GPM6B: variants seen among roughly 807,000 people sequenced by gnomAD.
The protein encoded by GPM6B is glycoprotein M6B, also known as neuronal membrane glycoprotein M6-b.
In GPM6B, 4 loss-of-function variants were observed where a neutral mutation model predicts 27.2. The ratio of observed to expected loss-of-function variants is 0.15; its 90% CI spans 0.07 to 0.34. GPM6B has a LOEUF of 0.34. GPM6B is among the 10% of genes least tolerant of loss of function. The pLI is 1.00. For missense variants in GPM6B, 183 were observed against 261.9 expected (o/e 0.70, Z 2.08); for synonymous variants, 124 against 103.1 (o/e 1.20, Z -1.23).
intron 2 of GPM6B, among the ~76,000 whole-genome samples, chrX:13,788,568 A>G (rs1470368412): frequency 9.1e-6 from 1 of 109,811 alleles, no homozygotes; most frequent in Non-Finnish European, 1.9e-5. Context: ...ACATCTATAT[A>G]TATTTTTAAA....
At chrX:13,868,482 C>T (rs1169395286) in intron 1 of GPM6B, among the ~76,000 whole-genome samples, 1 of 111,796 alleles carries the variant, frequency 8.9e-6, no homozygotes, top group Admixed American at 9.5e-5. Context: ...GCTAATAGAA[C>T]ATGAATTAGA....
intron 1 of GPM6B, among the ~76,000 whole-genome samples, chrX:13,880,300 T>A (rs977016391): frequency 1.8e-5 from 2 of 111,580 alleles, no homozygotes; most frequent in Admixed American, 9.5e-5. Context: ...CTATGTCCAA[T>A]CTTACATTCT....
At chrX:13,783,614 T>A in intron 3 of GPM6B, 93 bp from the exon 4 acceptor site, 1 of 739,020 alleles carries the variant, frequency 1.4e-6, no homozygotes. Context: ...GAGGGGGATG[T>A]TCCTGTGAGT....
chrX:13,825,111 T>A (rs1443142805), intron 1 of GPM6B, among the ~76,000 whole-genome samples: 1 of 111,592 alleles, frequency 9.0e-6, no homozygotes, highest in Admixed American at 9.5e-5. Context: ...TATGACCTCA[T>A]CTTAACTCGA....
intron 4 of GPM6B, among the ~76,000 whole-genome samples, chrX:13,782,942 C>T (rs1322257882): frequency 4.5e-5 from 5 of 111,372 alleles, no homozygotes; most frequent in Admixed American, 2.9e-4. Flanking sequence ...CCCAGCTAGG[C>T]GCTCTGTACA....
At chrX:13,862,066 T>G (rs1447353145) in intron 1 of GPM6B, among the ~76,000 whole-genome samples, 3 of 110,228 alleles carry the variant, frequency 2.7e-5, no homozygotes, top group African/African-American at 9.9e-5. Flanking sequence ...TGTGCGTGGG[T>G]GGGGGTGCAG....
intron 1 of GPM6B, among the ~76,000 whole-genome samples, chrX:13,874,462 C>T (rs2050011767): frequency 9.2e-6 from 1 of 108,578 alleles, no homozygotes; most frequent in Admixed American, 9.9e-5. Flanking sequence ...CTTTGGGAGG[C>T]TGAGATGGGT....
intron 1 of GPM6B, among the ~76,000 whole-genome samples, chrX:13,853,240 C>T (rs1337196572): frequency 9.0e-6 from 1 of 111,006 alleles, no homozygotes; most frequent in Non-Finnish European, 1.9e-5. Flanking sequence ...ATCCATGGGA[C>T]TTAGTATATA....
chrX:13,846,573 C>A (rs970761813), intron 1 of GPM6B, among the ~76,000 whole-genome samples: 1 of 110,162 alleles, frequency 9.1e-6, no homozygotes, highest in Non-Finnish European at 1.9e-5. Flanking sequence ...TCACTGCAAG[C>A]TCCGCCCTCT....
At chrX:13,873,834 T>C (rs1270283837) in intron 1 of GPM6B, among the ~76,000 whole-genome samples, 4 of 112,187 alleles carry the variant, frequency 3.6e-5, no homozygotes, top group African/African-American at 1.3e-4. Flanking sequence ...TATTTAAAAA[T>C]GTATTTCCTT....
At position 13,771,136 on chromosome X, in the gene GPM6B, A is replaced by C. The variant is rs920777537; in HGVS notation, c.*1745T>G. On this transcript the variant is annotated 3_prime_UTR_variant, in exon 8 of 8. Transcript: ENST00000316715. ...ACTGTTAGGTTACAAAAATTTATAC[A>C]TAGCAAAATTTAATGCTCTTTACAT... 7 of 112,529 alleles carry C rather than the reference A, an allele frequency of 6.2e-5. No individual in the cohort carries two copies. The highest frequency in any genetic ancestry group is 1.3e-4 in the Non-Finnish European group (7 of 53,214). The allele number at this position is 112,529 out of a possible 1,213,427, so 9.3% of individuals were successfully genotyped here.
chrX:13,898,779 C>G (rs1395967463), intron 1 of GPM6B, among the ~76,000 whole-genome samples: 1 of 111,573 alleles, frequency 9.0e-6, no homozygotes, highest in Non-Finnish European at 1.9e-5. Flanking sequence ...CCTCTGAGGC[C>G]TCGCTTTCTC....
chrX:13,772,802 ACACATCTGTACTGCAGAGCAGCTGT>A lies in GPM6B; in HGVS notation c.*54_*78del. 2.1e-6 allele frequency: 2 copies of A among 942,358 alleles called. No individual in the cohort carries two copies. The highest frequency in any genetic ancestry group is 2.8e-4 in the Middle Eastern group (1 of 3,557). 77.7% of individuals were successfully genotyped at this position (942,358 alleles called of 1,213,427 possible). A position where few individuals can be genotyped will look rare whatever the true frequency, so the allele number is the denominator to read the frequency against. Reference sequence around the variant, plus strand: ...TACATCTACATTAGTTTGGTGGGATACACATCTGTACTGCAGAGCAGCTGTCTGATGATTTGTCAGAGCTGTAAAT... The same window carrying A: ...TACATCTACATTAGTTTGGTGGGATACTGATGATTTGTCAGAGCTGTAAAT... On this transcript the variant is annotated 3_prime_UTR_variant, in exon 8 of 8. Transcript: ENST00000316715.
At chrX:13,920,285 AAAAGAAAG>A (rs147145166) in intron 1 of GPM6B, among the ~76,000 whole-genome samples, 3 of 83,572 alleles carry the variant, frequency 3.6e-5, no homozygotes, top group African/African-American at 1.4e-4. Flanking sequence ...AAAAAAAAAA[AAAAGAAAG>A]AAAGAAAGAA....
At chrX:13,883,693 TAAAA>T (rs763473816) in intron 1 of GPM6B, among the ~76,000 whole-genome samples, 1 of 76,956 alleles carries the variant, frequency 1.3e-5, no homozygotes, top group Non-Finnish European at 2.5e-5. Flanking sequence ...CTTCGTCTCT[TAAAA>T]AAAAAAAAAA....
At chrX:13,805,565 G>A (rs778028390) in intron 2 of GPM6B, among the ~76,000 whole-genome samples, 2 of 112,219 alleles carry the variant, frequency 1.8e-5, no homozygotes, top group South Asian at 3.7e-4. Context: ...ATGGAGCCTC[G>A]TATTTTTCTT....
intron 1 of GPM6B, among the ~76,000 whole-genome samples, chrX:13,921,666 C>T (rs1259250863): frequency 9.1e-6 from 1 of 109,300 alleles, no homozygotes; most frequent in Admixed American, 9.7e-5. Flanking sequence ...ACCTCCGCCT[C>T]GCGAGTTCAA....
intron 1 of GPM6B, among the ~76,000 whole-genome samples, chrX:13,897,600 G>A (rs1347528959): frequency 8.9e-6 from 1 of 111,903 alleles, no homozygotes; most frequent in East Asian, 2.8e-4. Context: ...GTTACTCTCT[G>A]GAGGGGAAAA....
intron 1 of GPM6B, among the ~76,000 whole-genome samples, chrX:13,911,055 T>G (rs1008315505): frequency 8.9e-6 from 1 of 112,256 alleles, no homozygotes; most frequent in African/African-American, 3.2e-5. Context: ...AAAGGAGGTA[T>G]TTTATTGCTC....
Sources: allele counts gnomAD v4.1 joint callset (sites outside exome capture counted in the v4.1 genomes callset), GRCh38; gene constraint gnomAD v4.1.1; transcripts MANE v1.5; gene names NCBI Gene and HGNC (gene_info 2026-07-23, HGNC 2026-07-21).